SAG: variants seen among roughly 807,000 people sequenced by gnomAD.
The protein encoded by SAG is S-arrestin.
In SAG, 45 loss-of-function variants were observed where a neutral mutation model predicts 55.0. The observed-to-expected ratio is 0.82, with a 90% CI of 0.64 to 1.05. The LOEUF (loss-of-function observed/expected upper bound fraction) is 1.05, where lower values mean the gene tolerates loss of function less well. Among genes scored for constraint, SAG ranks in the 50% least tolerant of loss-of-function variants. The pLI is 0.00. For synonymous variants in SAG, 189 were observed against 197.4 expected, an observed-to-expected ratio of 0.96 and a Z score of 0.36; for missense variants, 455 against 512.1, an observed-to-expected ratio of 0.89 and a Z score of 1.08.
intron 2 of SAG, among the ~76,000 whole-genome samples, chr2:233,313,680 A>G (rs1700137323): frequency 6.8e-6 from 1 of 147,658 alleles, no homozygotes; most frequent in Non-Finnish European, 1.5e-5. Flanking sequence ...CAAGTAGTTG[A>G]GACTACAAGC....
chr2:233,316,840 A>C (rs1700227388), intron 3 of SAG, among the ~76,000 whole-genome samples: 1 of 152,244 alleles, frequency 6.6e-6, no homozygotes, highest in Non-Finnish European at 1.5e-5. Context: ...AGAGCATATT[A>C]TACACCTACC....
At chr2:233,315,540 G>A (rs567632689) in intron 2 of SAG, among the ~76,000 whole-genome samples, 3 of 151,600 alleles carry the variant, frequency 2.0e-5, no homozygotes, top group East Asian at 3.9e-4. Context: ...TGATCCGCCC[G>A]CCTCAGCCTC....
At chr2:233,318,477 C>T (rs962485637) in intron 3 of SAG, among the ~76,000 whole-genome samples, 1 of 152,196 alleles carries the variant, frequency 6.6e-6, no homozygotes, top group African/African-American at 2.4e-5. Flanking sequence ...GAGCAGTCCT[C>T]CTGCCTTGGC....
intron 3 of SAG, among the ~76,000 whole-genome samples, 158 bp downstream of exon 3, chr2:233,316,293 A>ATTTATT (rs533170620): frequency 3.8e-4 from 58 of 152,058 alleles, no homozygotes; most frequent in African/African-American, 8.2e-4. Flanking sequence ...AAACAATTTT[A>ATTTATT]TTTATTTTTA....
At chr2:233,341,570 G>A (rs1266545434) in intron 13 of SAG, among the ~76,000 whole-genome samples, 2 of 152,094 alleles carry the variant, frequency 1.3e-5, no homozygotes, top group East Asian at 1.9e-4. Flanking sequence ...ATAACACTAC[G>A]CTAAGTGAAA....
chr2:233,336,399 C>T (rs542135566), intron 11 of SAG, among the ~76,000 whole-genome samples: 2 of 152,108 alleles, frequency 1.3e-5, no homozygotes, highest in African/African-American at 2.4e-5. Context: ...CCTGTAATCT[C>T]AGCTACTCGA....
chr2:233,327,360 G>A, intron 7 of SAG, 163 bp downstream of exon 7: 1 of 514,798 alleles, frequency 1.9e-6, no homozygotes. Context: ...CATTTTTGGG[G>A]AAAAAAAAGA....
chr2:233,335,407 A>G (rs1038028655), intron 11 of SAG, among the ~76,000 whole-genome samples: 2 of 152,220 alleles, frequency 1.3e-5, no homozygotes, highest in African/African-American at 4.8e-5. Flanking sequence ...GGGGGCGGTA[A>G]TAGTTCAAGT....
At chr2:233,324,052 T>C (rs1247291331) in intron 6 of SAG, among the ~76,000 whole-genome samples, 2 of 151,786 alleles carry the variant, frequency 1.3e-5, no homozygotes, top group Non-Finnish European at 2.9e-5. Flanking sequence ...CCTCGCCTGG[T>C]GTGTTCCGGG....
At chr2:233,335,224 T>C in intron 11 of SAG, 125 bp downstream of exon 11, 1 of 1,258,304 alleles carries the variant, frequency 7.9e-7, no homozygotes. Context: ...GCGTGTGTAG[T>C]GTGGAGTGCA....
chr2:233,337,247 AT>A (rs5839480), intron 11 of SAG, among the ~76,000 whole-genome samples: 101,938 of 151,278 alleles, frequency 0.67, 34,983 homozygotes, highest in African/African-American at 0.78. Context: ...AATTATTTTT[AT>A]TTTTTTTTGA....
chr2:233,313,570 C>T (rs956564507), intron 2 of SAG, among the ~76,000 whole-genome samples: 1 of 151,156 alleles, frequency 6.6e-6, no homozygotes, highest in African/African-American at 2.4e-5. Context: ...GATCTCTTTA[C>T]CCCCTTTGTG....
At chr2:233,341,299 A>C (rs1701094976) in intron 13 of SAG, among the ~76,000 whole-genome samples, 1 of 152,202 alleles carries the variant, frequency 6.6e-6, no homozygotes, top group South Asian at 2.1e-4. Flanking sequence ...GCACGCCACT[A>C]TGCCCGACTA....
intron 6 of SAG, among the ~76,000 whole-genome samples, chr2:233,324,553 C>T (rs1204936050): frequency 2.0e-5 from 3 of 152,202 alleles, no homozygotes; most frequent in Non-Finnish European, 4.4e-5. Flanking sequence ...CAGGCGCTGA[C>T]TTTCCAAATG....
At chr2:233,310,743 G>A (rs1395035938) in intron 2 of SAG, among the ~76,000 whole-genome samples, 2 of 152,058 alleles carry the variant, frequency 1.3e-5, no homozygotes, top group Non-Finnish European at 2.9e-5. Flanking sequence ...CTGACCTCAG[G>A]TGATCCGCCC....
chr2:233,322,185 C>CAAAAAAAAAAAAA (rs35197599), intron 5 of SAG, among the ~76,000 whole-genome samples: 1 of 66,108 alleles, frequency 1.5e-5, no homozygotes, highest in East Asian at 5.4e-4. Flanking sequence ...GACTCTGTCT[C>CAAAAAAAAAAAAA]AAAAAAAAAA....
chr2:233,326,922 G>C (rs1464500171), intron 6 of SAG, among the ~76,000 whole-genome samples, 199 bp from the exon 7 acceptor site: 1 of 152,228 alleles, frequency 6.6e-6, no homozygotes, highest in Non-Finnish European at 1.5e-5. Flanking sequence ...TGGGCCCATG[G>C]CACACTCCTT....
At chr2:233,339,967 T>TA (rs1429832433) in intron 12 of SAG, among the ~76,000 whole-genome samples, 1 of 148,900 alleles carries the variant, frequency 6.7e-6, no homozygotes, top group Non-Finnish European at 1.5e-5. Flanking sequence ...CAGCCAACTT[T>TA]TTTTTTTGAG....
intron 8 of SAG, 59 bp downstream of exon 8, chr2:233,328,672 C>A: frequency 6.6e-7 from 1 of 1,526,092 alleles, no homozygotes; most frequent in South Asian, 1.3e-5. Context: ...AGGCCCCACA[C>A]CCCTCTCTTC....
Sources: allele counts gnomAD v4.1 joint callset (sites outside exome capture counted in the v4.1 genomes callset), GRCh38; gene constraint gnomAD v4.1.1; transcripts MANE v1.5; gene names NCBI Gene and HGNC (gene_info 2026-07-23, HGNC 2026-07-21).